Variants in TIAM1 observed in about 807,000 individuals in gnomAD.
TIAM1 encodes the protein TIAM Rac1 associated GEF 1, also known as rho guanine nucleotide exchange factor TIAM1.
Under a neutral mutation model 163.5 loss-of-function variants are expected in TIAM1, and 65 were observed. The ratio of observed to expected loss-of-function variants is 0.40; its 90% CI spans 0.33 to 0.49. The LOEUF is 0.49. TIAM1 is among the 20% of genes least tolerant of loss of function. TIAM1 has a pLI of 0.77. For synonymous variants in TIAM1, 833 were observed against 810.1 expected (o/e 1.03, Z -0.48); for missense variants, 1,789 against 2,044.7 (o/e 0.87, Z 2.41).
rs536907451 is a variant in TIAM1, at chr21:31,368,266, C to CAGGGCTTTAATATTCCATAATATTAAA, written c.-368-28871_-368-28845dup. 1.2e-3 allele frequency among the ~76,000 whole-genome samples: 178 copies of CAGGGCTTTAATATTCCATAATATTAAA among 152,280 alleles called. 1 individual carries two copies. Among genetic ancestry groups the CAGGGCTTTAATATTCCATAATATTAAA allele is most frequent in the African/African-American group, 4.1e-3 (169 of 41,546 alleles). The stretch of plus-strand genomic sequence containing the variant: ...TAGGCCCCATTCTTAAAAGGCTCCT[C>CAGGGCTTTAATATTCCATAATATTAAA]AGGGCTTTAATATTCCATAATATTA... On this transcript the variant is annotated intron_variant, in intron 2 of 28. Coordinates refer to the TIAM1 transcript ENST00000286827.
At chr21:31,486,884 G>A (rs1301694949) in intron 1 of TIAM1, among the ~76,000 whole-genome samples, 4 of 152,200 alleles carry the variant, frequency 2.6e-5, no homozygotes, top group South Asian at 2.1e-4. Flanking sequence ...CTGTGTGGCC[G>A]CTTTGCCCAA....
intron 2 of TIAM1, among the ~76,000 whole-genome samples, chr21:31,288,812 C>T (rs1034927738): frequency 6.6e-6 from 1 of 152,094 alleles, no homozygotes; most frequent in African/African-American, 2.4e-5. Flanking sequence ...TAAATCAATA[C>T]CTGTAATAAT....
chr21:31,214,741 GAGA>G (rs1466425858), intron 9 of TIAM1, among the ~76,000 whole-genome samples: 1 of 152,148 alleles, frequency 6.6e-6, no homozygotes, highest in African/African-American at 2.4e-5. Context: ...GTACACAATT[GAGA>G]AAAAGCCTTT....
In TIAM1 at chr21:31,187,239, G is replaced by A. The variant is rs566101736; in HGVS notation, c.2576-152C>T. 1,005 of 677,444 alleles carry A rather than the reference G, an allele frequency of 1.5e-3. 1 individual carries two copies. The highest frequency in any genetic ancestry group is 2.1e-3 in the Non-Finnish European group (828 of 399,742). The allele number at this position is 677,444 out of a possible 1,614,324, so 42.0% of individuals were successfully genotyped here. A position where few individuals can be genotyped will look rare whatever the true frequency, so the allele number is the denominator to read the frequency against. ...TTCTTGTTTTACATAGCAGAAAAGTGTATTTTTAGATCACTCTGGAAGTCA... is the reference window on the plus strand; with the variant it reads ...TTCTTGTTTTACATAGCAGAAAAGTATATTTTTAGATCACTCTGGAAGTCA... On this transcript the variant is annotated intron_variant, in intron 13 of 27. Transcript: ENST00000541036.
At position 31,280,027 on chromosome 21, in the gene TIAM1, T is replaced by TGCGC. The variant is rs995388208; in HGVS notation, c.-188-3123_-188-3120dup. Reference sequence around the variant, plus strand: ...ACAGACACACACAGACACACACGCGTGCGCGCACACACACACACACAGCCA... The same window carrying TGCGC: ...ACAGACACACACAGACACACACGCGTGCGCGCGCGCACACACACACACACAGCCA... On this transcript the variant is annotated intron_variant, in intron 2 of 27. Transcript: ENST00000541036. Among the ~76,000 whole-genome samples the TGCGC allele has an allele frequency of 2.0e-5, 3 of 149,432 alleles. 1 individual carries two copies. The South Asian group carries it at 6.2e-4, about 31-fold the overall frequency.
chr21:31,414,225 C>T (rs1309111984), intron 2 of TIAM1, among the ~76,000 whole-genome samples: 1 of 152,152 alleles, frequency 6.6e-6, no homozygotes, highest in Non-Finnish European at 1.5e-5. Flanking sequence ...AGCTAAGGGT[C>T]CCCATGTAAA....
chr21:31,498,441 G>A (rs989376104), intron 1 of TIAM1, among the ~76,000 whole-genome samples: 2 of 141,480 alleles, frequency 1.4e-5, no homozygotes, highest in Admixed American at 6.9e-5. Flanking sequence ...AAGGGACCCC[G>A]CAGCACCCCC....
intron 1 of TIAM1, among the ~76,000 whole-genome samples, chr21:31,537,473 C>A (rs1417127364): frequency 6.6e-6 from 1 of 150,874 alleles, no homozygotes; most frequent in Non-Finnish European, 1.5e-5. Context: ...TTAATAGGGC[C>A]GAGAGCAGTG....
chr21:31,220,716 A>T lies in TIAM1; in HGVS notation c.1995+2690T>A, dbSNP rs545052546. 1.8e-4 allele frequency among the ~76,000 whole-genome samples: 27 copies of T among 152,344 alleles called. 1 individual carries two copies. In the South Asian group the frequency reaches 3.7e-3, roughly 21 times the overall value. On this transcript the variant is annotated intron_variant, in intron 8 of 27. Transcript: ENST00000541036. ...CAAAAGTAACCACTATCCCCAAGAC[A>T]ATAATGACTCAAAATGAGCAAAGGG...
intron 4 of TIAM1, among the ~76,000 whole-genome samples, chr21:31,262,351 G>T (rs773832564): frequency 6.6e-5 from 10 of 152,188 alleles, no homozygotes; most frequent in Non-Finnish European, 1.5e-4. Context: ...TGTAACCAAA[G>T]AAATTCATAA....
At chr21:31,182,666 AT>A (rs1208706129) in intron 14 of TIAM1, 21 bp from the exon 15 acceptor site, 1 of 1,601,192 alleles carries the variant, frequency 6.2e-7, no homozygotes, top group Non-Finnish European at 8.5e-7. Flanking sequence ...AAGATGGAAA[AT>A]TTTTAATTTC....
chr21:31,292,447 G>C (rs2074059932), intron 2 of TIAM1, among the ~76,000 whole-genome samples: 1 of 149,610 alleles, frequency 6.7e-6, no homozygotes, highest in African/African-American at 2.5e-5. Context: ...TCGGCTCACT[G>C]CAGCCTCTGC....
At chr21:31,222,174 C>T (rs77926910) in intron 8 of TIAM1, among the ~76,000 whole-genome samples, 6,576 of 152,258 alleles carry the variant, frequency 0.043, 201 homozygotes, top group Non-Finnish European at 0.066. Flanking sequence ...TGAATTATAG[C>T]TCTGAATGCA....
chr21:31,238,434 C>T (rs2071004816), intron 6 of TIAM1, among the ~76,000 whole-genome samples: 1 of 152,182 alleles, frequency 6.6e-6, no homozygotes, highest in South Asian at 2.1e-4. Flanking sequence ...TAAGATCCTA[C>T]GTTGTCACAT....
At chr21:31,233,250 C>T (rs990157311) in intron 6 of TIAM1, among the ~76,000 whole-genome samples, 2 of 151,910 alleles carry the variant, frequency 1.3e-5, no homozygotes, top group Admixed American at 6.6e-5. Flanking sequence ...AGGTCAAACG[C>T]TTTCATTTTA....
At chr21:31,546,659 G>A (rs1032639248) in intron 1 of TIAM1, among the ~76,000 whole-genome samples, 1 of 152,116 alleles carries the variant, frequency 6.6e-6, no homozygotes, top group South Asian at 2.1e-4. Flanking sequence ...TTTTAACACT[G>A]CTAGAGGTCA....
intron 1 of TIAM1, among the ~76,000 whole-genome samples, chr21:31,518,126 T>C (rs1432905723): frequency 6.6e-6 from 1 of 152,124 alleles, no homozygotes; most frequent in Admixed American, 6.6e-5. Context: ...AGGAAAAAGA[T>C]CTCCCTCTCT....
intron 18 of TIAM1, 86 bp from the exon 19 acceptor site, chr21:31,152,847 CA>C: frequency 6.6e-7 from 1 of 1,506,092 alleles, no homozygotes; most frequent in Non-Finnish European, 8.9e-7. Context: ...GTTTTTCTAT[CA>C]ATTCTTATCA....
Position 31,134,260 on chromosome 21 carries a change from G to A in TIAM1, c.3883+1673C>T, listed in dbSNP as rs115704889. ...TGCTAGTCTGTAGTCCCACATCACT[G>A]TGTGGGTCATTTACATCAATATCCT... On this transcript the variant is annotated intron_variant, in intron 23 of 27. Transcript: ENST00000541036. Among the ~76,000 whole-genome samples the A allele has an allele frequency of 6.8e-4, 103 of 152,222 alleles. 1 individual carries two copies. The highest frequency in any genetic ancestry group is 2.4e-3 in the African/African-American group (100 of 41,532).
Sources: gnomAD v4.1 joint callset for allele counts (sites outside exome capture counted in the v4.1 genomes callset) on GRCh38, gnomAD v4.1.1 for gene constraint, MANE v1.5 for transcripts, NCBI Gene and HGNC (gene_info 2026-07-23, HGNC 2026-07-21) for gene names.